Variants in NTNG1 observed in about 807,000 individuals in gnomAD.
NTNG1 encodes the protein netrin G1.
NTNG1 carries 16 observed loss-of-function variants against 54.0 expected under a neutral mutation model. That is an observed-to-expected ratio of 0.30 (90% CI 0.20 to 0.45). The LOEUF (loss-of-function observed/expected upper bound fraction) is 0.45. Ranked by LOEUF, NTNG1 falls within the 20% of genes least tolerant of loss-of-function variation. NTNG1 has a pLI of 1.00. For synonymous variants in NTNG1, 255 were observed against 263.1 expected (o/e 0.97, Z 0.30); for missense variants, 530 against 678.7 (o/e 0.78, Z 2.43).
chr1:107,386,176 T>TCTTCCTTTGAAATGGGGTTTCACTCTTG (rs1671982909), intron 3 of NTNG1, among the ~76,000 whole-genome samples: 1 of 140,914 alleles, frequency 7.1e-6, no homozygotes. Context: ...TTTTTTTTTT[T>TCTTCCTTTGAAATGGGGTTTCACTCTTG]TTCTTCCTTT....
chr1:107,331,561 C>G (rs1668281973), intron 3 of NTNG1, among the ~76,000 whole-genome samples: 1 of 152,024 alleles, frequency 6.6e-6, no homozygotes, highest in Non-Finnish European at 1.5e-5. Context: ...GCTGTATTTT[C>G]TCAATGTTAA....
intron 2 of NTNG1, among the ~76,000 whole-genome samples, chr1:107,305,557 T>C (rs1343709870): frequency 6.6e-6 from 1 of 152,206 alleles, no homozygotes; most frequent in East Asian, 1.9e-4. Flanking sequence ...TGTCTGTTTA[T>C]ATACTTCACC....
At chr1:107,475,792 T>C (rs1678282729) in intron 7 of NTNG1, among the ~76,000 whole-genome samples, 1 of 152,218 alleles carries the variant, frequency 6.6e-6, no homozygotes, top group Admixed American at 6.5e-5. Context: ...TTGTTCTGTA[T>C]ACTGCAGGAT....
intron 7 of NTNG1, among the ~76,000 whole-genome samples, chr1:107,441,061 C>T (rs941306205): frequency 2.6e-5 from 4 of 151,986 alleles, no homozygotes; most frequent in Admixed American, 1.3e-4. Flanking sequence ...TTAAATGATC[C>T]TTTTGAAACC....
At chr1:107,448,761 G>A (rs976007356) in intron 7 of NTNG1, among the ~76,000 whole-genome samples, 1 of 151,914 alleles carries the variant, frequency 6.6e-6, no homozygotes, top group African/African-American at 2.4e-5. Context: ...AGTATCTCAC[G>A]CCATCAATTT....
At chr1:107,415,019 A>T (rs547392988) in intron 5 of NTNG1, among the ~76,000 whole-genome samples, 1 of 152,226 alleles carries the variant, frequency 6.6e-6, no homozygotes, top group Admixed American at 6.5e-5. Flanking sequence ...CAGATATTTT[A>T]TTTTTTAAAG....
At chr1:107,285,212 C>G (rs1665110981) in intron 2 of NTNG1, among the ~76,000 whole-genome samples, 1 of 152,048 alleles carries the variant, frequency 6.6e-6, no homozygotes, top group African/African-American at 2.4e-5. Flanking sequence ...GAATTATGCT[C>G]TATAATTTGA....
At chr1:107,241,936 TAA>T (rs1661859583) in intron 2 of NTNG1, among the ~76,000 whole-genome samples, 1 of 152,176 alleles carries the variant, frequency 6.6e-6, no homozygotes, top group Non-Finnish European at 1.5e-5. Context: ...ACGTTTTAGT[TAA>T]AGTTTTGATT....
chr1:107,343,580 G>A (rs1222864091), intron 3 of NTNG1, among the ~76,000 whole-genome samples: 1 of 151,488 alleles, frequency 6.6e-6, no homozygotes, highest in Non-Finnish European at 1.5e-5. Context: ...TGCTTTTGGG[G>A]ATTCGCCTGC....
chr1:107,446,004 T>C (rs1016227014), intron 7 of NTNG1, among the ~76,000 whole-genome samples: 1 of 152,096 alleles, frequency 6.6e-6, no homozygotes, highest in Non-Finnish European at 1.5e-5. Context: ...GATCATAGTT[T>C]GATTTATTCC....
At chr1:107,159,516 C>G (rs1437529859) in intron 2 of NTNG1, among the ~76,000 whole-genome samples, 1 of 152,098 alleles carries the variant, frequency 6.6e-6, no homozygotes, top group Admixed American at 6.6e-5. Context: ...TCAGTCCTAT[C>G]TTATCCTTAC....
rs1198730550 is a variant in NTNG1 at position 107,481,697 on chromosome 1, C to T, written c.*857C>T. ...TTTCGTTCTGTTTTGTTTCACTGTG[C>T]AGAGATTTCTCTGTAAGGGCAACGA... On this transcript the variant is annotated 3_prime_UTR_variant, in exon 8 of 8. Coordinates refer to ENST00000370068, the MANE Select transcript of NTNG1 (RefSeq NM_001113226.3). 6.6e-6 allele frequency: 1 copy of T among 152,536 alleles called. No individual in the cohort carries two copies. The highest frequency in any genetic ancestry group is 6.6e-5 in the Admixed American group (1 of 15,260). 9.4% of individuals were successfully genotyped at this position (152,536 alleles called of 1,614,324 possible). A position where few individuals can be genotyped will look rare whatever the true frequency, so the allele number is the denominator to read the frequency against.
At chr1:107,389,711 G>A (rs187046911) in intron 3 of NTNG1, among the ~76,000 whole-genome samples, 35 of 152,300 alleles carry the variant, frequency 2.3e-4, no homozygotes, top group African/African-American at 6.3e-4. Context: ...CAAGGAACAC[G>A]CAGGTCAATT....
intron 2 of NTNG1, among the ~76,000 whole-genome samples, chr1:107,301,866 T>C (rs1177561207): frequency 6.6e-6 from 1 of 152,214 alleles, no homozygotes; most frequent in African/African-American, 2.4e-5. Context: ...TACAGAATCC[T>C]GTTGTGAATC....
intron 3 of NTNG1, among the ~76,000 whole-genome samples, chr1:107,327,452 G>C (rs1468735973): frequency 1.3e-5 from 2 of 152,054 alleles, no homozygotes; most frequent in East Asian, 3.9e-4. Flanking sequence ...TAAGATTAAT[G>C]GTCTAGATTG....
intron 2 of NTNG1, among the ~76,000 whole-genome samples, chr1:107,285,507 A>T (rs1310714719): frequency 6.6e-6 from 1 of 152,140 alleles, no homozygotes; most frequent in Non-Finnish European, 1.5e-5. Context: ...AGAATGATCA[A>T]ATACAACAGA....
intron 2 of NTNG1, among the ~76,000 whole-genome samples, chr1:107,219,325 T>C (rs1471457375): frequency 6.6e-6 from 1 of 152,146 alleles, no homozygotes; most frequent in Non-Finnish European, 1.5e-5. Context: ...TATCCTGTAC[T>C]ATGTTTTTGA....
chr1:107,481,940 G>C lies in NTNG1; in HGVS notation c.*1100G>C, dbSNP rs1437656302. The C allele has an allele frequency of 6.6e-6, 1 of 151,708 alleles. No homozygotes were observed. Among genetic ancestry groups the C allele is most frequent in the Non-Finnish European group, 1.5e-5 (1 of 67,964 alleles). The allele number at this position is 151,708 out of a possible 1,614,324, so 9.4% of individuals were successfully genotyped here. A position where few individuals can be genotyped will look rare whatever the true frequency, so the allele number is the denominator to read the frequency against. ...CACTCACTTTACTGATTTCTGTGTG[G>C]ACTGAGTACATTCAGCTGACGAATT... On this transcript the variant is annotated 3_prime_UTR_variant, in exon 8 of 8. Coordinates refer to ENST00000370068, the MANE Select transcript of NTNG1 (RefSeq NM_001113226.3).
intron 3 of NTNG1, among the ~76,000 whole-genome samples, chr1:107,352,757 C>G (rs1669699651): frequency 6.6e-6 from 1 of 152,234 alleles, no homozygotes; most frequent in Non-Finnish European, 1.5e-5. Flanking sequence ...CTTACACACT[C>G]TCTTTGTAAT....
Sources: allele counts gnomAD v4.1 joint callset (sites outside exome capture counted in the v4.1 genomes callset), GRCh38; gene constraint gnomAD v4.1.1; transcripts MANE v1.5; gene names NCBI Gene and HGNC (gene_info 2026-07-23, HGNC 2026-07-21).